The following ATIC variants were observed in gnomAD, a reference collection of about 807,000 sequenced individuals.
The protein encoded by ATIC is bifunctional purine biosynthesis protein ATIC.
Under a neutral mutation model 72.5 loss-of-function variants are expected in ATIC, and 64 were observed. That is an observed-to-expected ratio of 0.88 (90% CI 0.72 to 1.09). ATIC has a LOEUF of 1.09. Ranked by LOEUF, ATIC falls within the 50% of genes least tolerant of loss-of-function variation. The pLI, the probability that ATIC is intolerant of heterozygous loss-of-function variation, is 0.00. For missense variants in ATIC, 787 were observed against 732.4 expected (o/e 1.07, Z -0.86); for synonymous variants, 281 against 267.1 (o/e 1.05, Z -0.51).
intron 7 of ATIC, 98 bp downstream of exon 7, chr2:215,327,076 A>G (rs747999811): frequency 1.3e-6 from 2 of 1,564,922 alleles, no homozygotes; most frequent in Non-Finnish European, 1.8e-6. Flanking sequence ...AAGATGATAC[A>G]TTCCGTAATG....
intron 2 of ATIC, among the ~76,000 whole-genome samples, chr2:215,313,266 TTGAC>T (rs1234098806): frequency 6.6e-6 from 1 of 152,192 alleles, no homozygotes; most frequent in Non-Finnish European, 1.5e-5. Flanking sequence ...TTCAGTTACT[TTGAC>T]TGGTGATTTA....
Position 215,349,700 on chromosome 2 carries a change from A to C in ATIC, c.*45A>C, listed in dbSNP as rs1325228438. On this transcript the variant is annotated 3_prime_UTR_variant, in exon 16 of 16. Coordinates refer to ENST00000236959, the MANE Select transcript of ATIC (RefSeq NM_004044.7). The stretch of plus-strand genomic sequence containing the variant: ...TTGGCTTGCTTATGTGTAGGTGAAC[A>C]GTCACGCCTGAAACTTTGAGGATAA... 8 of 1,613,920 alleles carry C rather than the reference A, an allele frequency of 5.0e-6. No individual in the cohort carries two copies. The African/African-American group carries it at 5.3e-5, about 11-fold the overall frequency.
intron 7 of ATIC, among the ~76,000 whole-genome samples, chr2:215,331,518 G>GATT (rs2106016547): frequency 6.6e-6 from 1 of 151,954 alleles, no homozygotes; most frequent in African/African-American, 2.4e-5. Context: ...TAGTAGCTGG[G>GATT]ATTACATGCG....
intron 12 of ATIC, among the ~76,000 whole-genome samples, chr2:215,339,631 A>G (rs1433423253): frequency 2.0e-5 from 3 of 151,640 alleles, no homozygotes; most frequent in Non-Finnish European, 4.4e-5. Context: ...TGATTGATTT[A>G]TTTTTTTATT....
intron 13 of ATIC, among the ~76,000 whole-genome samples, chr2:215,345,881 T>G (rs2053065945): frequency 6.6e-6 from 1 of 152,194 alleles, no homozygotes; most frequent in Non-Finnish European, 1.5e-5. Context: ...AGAGATGGAC[T>G]GTTGGGCAGA....
chr2:215,318,103 G>A (rs1247813727), intron 2 of ATIC, 54 bp from the exon 3 acceptor site: 10 of 1,496,506 alleles, frequency 6.7e-6, no homozygotes, highest in Non-Finnish European at 8.4e-6. Context: ...TTTGAATAGT[G>A]AAAATTACAA....
At chr2:215,334,107 A>G (rs1035636375) in intron 9 of ATIC, among the ~76,000 whole-genome samples, 2 of 151,876 alleles carry the variant, frequency 1.3e-5, no homozygotes, top group African/African-American at 2.4e-5. Flanking sequence ...AATTTGGTCA[A>G]TGTAATTTTG....
intron 2 of ATIC, 143 bp downstream of exon 2, chr2:215,312,767 G>T: frequency 7.4e-7 from 1 of 1,345,518 alleles, no homozygotes; most frequent in South Asian, 1.3e-5. Flanking sequence ...CACTTTATGG[G>T]GAAAAAAAGT....
At position 215,346,933 on chromosome 2, in the gene ATIC, A is replaced by G; in HGVS notation, c.1495A>G (p.Ile499Val). 1 of 1,614,192 alleles carries G rather than the reference A, an allele frequency of 6.2e-7. No individual in the cohort carries two copies. The highest frequency in any genetic ancestry group is 8.5e-7 in the Non-Finnish European group (1 of 1,180,028). ...NAIDQYVTGT[I>V]GEDEDLIKWK... ...CATCGATCAATATGTGACTGGAACC[A>G]TTGGCGAGGTGAAAGACTTGGCATT... Residue 499 changes from isoleucine to valine, a missense_variant, in exon 14 of 16, where the codon ATT becomes GTT. Transcript: ENST00000236959.
In ATIC at chr2:215,325,261, A is replaced by G. The variant is rs372823382; in HGVS notation, c.311A>G (p.Tyr104Cys). ...TATAGAGTTGTTGCCTGCAATCTCT[A>G]TCCCTTTGTAAAGACAGTGGCTTCT... is the stretch of plus-strand genomic sequence containing the variant. ...NLIRVVACNL[Y>C]PFVKTVASPG... is the part of the protein sequence containing the mutation. Residue 104 changes from tyrosine (Y) to cysteine (C), a missense_variant, in exon 5 of 16, where the codon TAT becomes TGT. Physicochemically the swap from Tyr to Cys is radical, Grantham distance 194. Transcript: ENST00000236959. 3.1e-6 allele frequency: 5 copies of G among 1,613,726 alleles called. No homozygotes were observed. In the African/African-American group the frequency reaches 4.0e-5, roughly 13 times the overall value.
At chr2:215,319,509 A>G (rs77675385) in intron 3 of ATIC, among the ~76,000 whole-genome samples, 156 bp from the exon 4 acceptor site, 5,307 of 152,182 alleles carry the variant, frequency 0.035, 302 homozygotes, top group African/African-American at 0.12. Context: ...CGCCACTACA[A>G]TCCAGCCTGG....
Position 215,319,682 on chromosome 2 carries a change from A to G in ATIC, c.241A>G (p.Ile81Val), listed in dbSNP as rs746194682. ...TAAATTAGGAATCCTAGCTCGTAAT[A>G]TTCCAGAAGATAATGCTGACATGGC... is the stretch of plus-strand genomic sequence containing the variant. Reference protein sequence around the residue: ...AVHAGILARNIPEDNADMARL... With the variant: ...AVHAGILARNVPEDNADMARL... Residue 81 changes from isoleucine (I) to valine (V), a missense_variant, in exon 4 of 16, where the codon ATT (isoleucine) becomes GTT (valine). Coordinates refer to ENST00000236959, the MANE Select transcript of ATIC (RefSeq NM_004044.7). 1 of 1,611,524 alleles carries G rather than the reference A, an allele frequency of 6.2e-7. No individual in the cohort carries two copies. The highest frequency in any genetic ancestry group is 1.7e-5 in the Admixed American group (1 of 60,022).
chr2:215,326,214 C>G, intron 6 of ATIC, 76 bp downstream of exon 6: 1 of 1,569,872 alleles, frequency 6.4e-7, no homozygotes, highest in Non-Finnish European at 8.7e-7. Context: ...GTATTCAGTT[C>G]TTGGTAGATT....
chr2:215,347,075 C>A, intron 14 of ATIC, 134 bp downstream of exon 14: 2 of 1,151,076 alleles, frequency 1.7e-6, no homozygotes, highest in South Asian at 1.4e-5. Flanking sequence ...TAAAATTGAT[C>A]ATTGAAACTT....
intron 6 of ATIC, among the ~76,000 whole-genome samples, chr2:215,326,435 T>A (rs765970193): frequency 1.4e-4 from 21 of 152,026 alleles, no homozygotes; most frequent in Admixed American, 2.0e-4. Flanking sequence ...TGAAACCCTG[T>A]CTCTACTGAA....
intron 13 of ATIC, among the ~76,000 whole-genome samples, 189 bp from the exon 14 acceptor site, chr2:215,346,567 ATAG>A (rs1034737403): frequency 2.6e-5 from 4 of 152,158 alleles, no homozygotes; most frequent in East Asian, 1.9e-4. Flanking sequence ...AGAGGTATAA[ATAG>A]TAGTTATAAA....
chr2:215,343,403 C>A (rs1240548230), intron 12 of ATIC, among the ~76,000 whole-genome samples: 1 of 152,132 alleles, frequency 6.6e-6, no homozygotes, highest in Non-Finnish European at 1.5e-5. Context: ...GTGGCATGAT[C>A]TTGTCTCACT....
At position 215,349,597 on chromosome 2, in the gene ATIC, C is replaced by T; in HGVS notation, c.1721C>T (p.Ala574Val). 1.2e-6 allele frequency: 2 copies of T among 1,614,154 alleles called. No homozygotes were observed. The highest frequency in any genetic ancestry group is 1.7e-6 in the Non-Finnish European group (2 of 1,180,038). ...GSAADKVVIEACDELGIILAH... is the reference protein window; with the variant it reads ...GSAADKVVIEVCDELGIILAH... ...GCTGCTGACAAAGTTGTGATTGAGGCCTGCGACGAACTGGGAATCATCCTC... is the reference window on the plus strand; with the variant it reads ...GCTGCTGACAAAGTTGTGATTGAGGTCTGCGACGAACTGGGAATCATCCTC... Residue 574 changes from alanine to valine, a missense_variant, in exon 16 of 16, where the codon GCC becomes GTC. Coordinates refer to ENST00000236959, the MANE Select transcript of ATIC (RefSeq NM_004044.7).
intron 9 of ATIC, among the ~76,000 whole-genome samples, chr2:215,334,189 CTTTTTTTTTT>C (rs551274501): frequency 4.0e-4 from 40 of 100,978 alleles, no homozygotes; most frequent in Non-Finnish European, 6.4e-4. Flanking sequence ...AAAAGCTATT[CTTTTTTTTTT>C]TTTTTTTTTT....
Sources: gnomAD v4.1 joint callset for allele counts (sites outside exome capture counted in the v4.1 genomes callset) on GRCh38, gnomAD v4.1.1 for gene constraint, MANE v1.5 for transcripts, NCBI Gene and HGNC (gene_info 2026-07-23, HGNC 2026-07-21) for gene names.